ELP3: variants seen among roughly 807,000 people sequenced by gnomAD.
ELP3 encodes the protein elongator acetyltransferase complex subunit 3, also known as elongator complex protein 3.
A neutral mutation model predicts 74.9 loss-of-function variants in ELP3; 56 were observed. The ratio of observed to expected loss-of-function variants is 0.75; its 90% CI spans 0.60 to 0.93. The LOEUF is 0.93. Among genes scored for constraint, ELP3 ranks in the 40% least tolerant of loss-of-function variants. ELP3 has a pLI of 0.00. For synonymous variants in ELP3, 222 were observed against 239.8 expected, an observed-to-expected ratio of 0.93 and a Z score of 0.68; for missense variants, 573 against 686.5, an observed-to-expected ratio of 0.83 and a Z score of 1.85.
At chr8:28,144,540 A>G (rs1813359645) in intron 10 of ELP3, among the ~76,000 whole-genome samples, 1 of 152,190 alleles carries the variant, frequency 6.6e-6, no homozygotes. Flanking sequence ...GAATCACTTG[A>G]GCCTGGGAGG....
At chr8:28,125,697 G>A (rs1812543991) in intron 7 of ELP3, among the ~76,000 whole-genome samples, 1 of 148,254 alleles carries the variant, frequency 6.7e-6, no homozygotes, top group Non-Finnish European at 1.5e-5. Flanking sequence ...TGCTTCCCAA[G>A]AAATAATCTA....
intron 3 of ELP3, among the ~76,000 whole-genome samples, chr8:28,101,010 C>T (rs181265269): frequency 3.9e-5 from 6 of 152,290 alleles, no homozygotes; most frequent in Admixed American, 2.0e-4. Flanking sequence ...GATCACCTTA[C>T]GTTTGTGGCT....
chr8:28,130,438 T>G (rs1165982509), intron 8 of ELP3, among the ~76,000 whole-genome samples: 2 of 152,170 alleles, frequency 1.3e-5, no homozygotes, highest in African/African-American at 4.8e-5. Flanking sequence ...AAACAAGCAC[T>G]GATCAGCATC....
In ELP3 at chr8:28,108,006, A is replaced by T. The variant is rs202229366; in HGVS notation, c.393+30A>T. ...AGTAACTTTGAGGCTGTCCTGATGA[A>T]ATGTTGCATCATGCTTTACCTGTAG... On this transcript the variant is annotated intron_variant, in intron 5 of 14. Transcript: ENST00000256398. 1.7e-4 allele frequency: 264 copies of T among 1,579,124 alleles called. 2 individuals carry two copies. The African/African-American group carries it at 3.2e-3, about 19-fold the overall frequency.
chr8:28,097,573 T>C (rs1406010831), intron 2 of ELP3, among the ~76,000 whole-genome samples: 2 of 152,090 alleles, frequency 1.3e-5, no homozygotes, highest in Non-Finnish European at 2.9e-5. Flanking sequence ...ATTTTTTGTA[T>C]TTTTAGTAGA....
intron 9 of ELP3, among the ~76,000 whole-genome samples, chr8:28,136,343 A>G (rs1812991558): frequency 6.6e-6 from 1 of 152,160 alleles, no homozygotes; most frequent in African/African-American, 2.4e-5. Flanking sequence ...ATTGAGAACC[A>G]ATCAATTTTC....
intron 7 of ELP3, chr8:28,113,938 GTTAAT>G (rs1162152426): frequency 6.6e-6 from 1 of 152,086 alleles, no homozygotes; most frequent in Non-Finnish European, 1.5e-5. Context: ...CAAACCACAA[GTTAAT>G]TTAGTCATTT....
At chr8:28,094,482 G>A (rs1811173171) in intron 1 of ELP3, among the ~76,000 whole-genome samples, 1 of 152,200 alleles carries the variant, frequency 6.6e-6, no homozygotes, top group Admixed American at 6.5e-5. Context: ...ACTTTGGGAG[G>A]CCAAGGCGGG....
chr8:28,185,984 T>C (rs1815225089), intron 14 of ELP3, among the ~76,000 whole-genome samples: 1 of 152,212 alleles, frequency 6.6e-6, no homozygotes, highest in Non-Finnish European at 1.5e-5. Context: ...GTTATGATAC[T>C]TTTAGTTAAC....
At chr8:28,097,605 C>G (rs901085109) in intron 2 of ELP3, among the ~76,000 whole-genome samples, 1 of 152,080 alleles carries the variant, frequency 6.6e-6, no homozygotes. Flanking sequence ...ACCGTGTTAG[C>G]CAGGACGGTC....
intron 7 of ELP3, among the ~76,000 whole-genome samples, chr8:28,128,216 G>A (rs534452864): frequency 2.9e-4 from 44 of 152,212 alleles, no homozygotes; most frequent in Admixed American, 2.4e-3. Context: ...GCTCATGCCC[G>A]TAATCCCAGC....
At chr8:28,175,884 G>A (rs975600023) in intron 14 of ELP3, among the ~76,000 whole-genome samples, 3 of 135,204 alleles carry the variant, frequency 2.2e-5, no homozygotes, top group Non-Finnish European at 4.6e-5. Flanking sequence ...GCATGATCTC[G>A]GCTCACTGCA....
chr8:28,152,067 G>T (rs554159659), intron 10 of ELP3, among the ~76,000 whole-genome samples: 1 of 152,072 alleles, frequency 6.6e-6, no homozygotes, highest in Admixed American at 6.6e-5. Flanking sequence ...GTTAAGCCAC[G>T]ACTTCCACTA....
At chr8:28,097,460 CTT>C (rs11352232) in intron 2 of ELP3, 142 bp downstream of exon 2, 3,734 of 436,854 alleles carry the variant, frequency 8.5e-3, no homozygotes, top group East Asian at 0.02. Context: ...TCATTCATTT[CTT>C]TTTTTTTTTT....
At chr8:28,117,165 G>T (rs576922592) in intron 7 of ELP3, among the ~76,000 whole-genome samples, 1 of 152,126 alleles carries the variant, frequency 6.6e-6, no homozygotes, top group South Asian at 2.1e-4. Flanking sequence ...ATAAAAATTT[G>T]CCACTAAGCT....
intron 14 of ELP3, among the ~76,000 whole-genome samples, chr8:28,185,837 T>G (rs138742759): frequency 2.2e-4 from 33 of 152,272 alleles, no homozygotes; most frequent in African/African-American, 7.7e-4. Context: ...GCTAAGGAAT[T>G]TGAACTTTAT....
rs191767357 is a variant in ELP3, at chr8:28,145,844, G to A, written c.1100+7953G>A. ...TCGCCATGTCGGCCAGGCTGGTTTC[G>A]AACTCCTGACCTCAGGTGATCCACC... On this transcript the variant is annotated intron_variant, in intron 10 of 14. Transcript: ENST00000256398. 9.2e-5 allele frequency among the ~76,000 whole-genome samples: 14 copies of A among 152,242 alleles called. No individual in the cohort carries two copies. In the East Asian group the frequency reaches 1.9e-3, roughly 21 times the overall value.
chr8:28,104,867 G>C (rs1230974904), intron 3 of ELP3, among the ~76,000 whole-genome samples: 3 of 152,142 alleles, frequency 2.0e-5, no homozygotes, highest in Non-Finnish European at 4.4e-5. Context: ...TGAGAAACTA[G>C]GTGGATATCC....
chr8:28,107,824 A>AGGATTCTTTGGAGATGGT, intron 4 of ELP3, 89 bp from the exon 5 acceptor site: 2 of 957,688 alleles, frequency 2.1e-6, no homozygotes, highest in Non-Finnish European at 3.3e-6. Flanking sequence ...ATTTGTTATC[A>AGGATTCTTTGGAGATGGT]GGATTCTTTG....
Sources: allele counts gnomAD v4.1 joint callset (sites outside exome capture counted in the v4.1 genomes callset), GRCh38; gene constraint gnomAD v4.1.1; transcripts MANE v1.5; gene names NCBI Gene and HGNC (gene_info 2026-07-23, HGNC 2026-07-21).